Variants in ENPP3 observed in about 807,000 individuals in gnomAD.
ENPP3 encodes the protein ectonucleotide pyrophosphatase/phosphodiesterase family member 3.
ENPP3 carries 104 observed loss-of-function variants against 117.8 expected under a neutral mutation model. That is an observed-to-expected ratio of 0.88 (90% confidence interval 0.75 to 1.04). ENPP3 has a LOEUF of 1.04. Ranked by LOEUF, ENPP3 falls within the 50% of genes least tolerant of loss-of-function variation. ENPP3 has a pLI of 0.00. For synonymous variants in ENPP3, 380 were observed against 349.9 expected (o/e 1.09, Z -0.96); for missense variants, 1,026 against 1,051.9 (o/e 0.98, Z 0.34).
At chr6:131,678,933 CTTT>C (rs1214845218) in intron 11 of ENPP3, among the ~76,000 whole-genome samples, 36 of 82,586 alleles carry the variant, frequency 4.4e-4, no homozygotes, top group African/African-American at 3.2e-3. Context: ...TTCTTTCTTT[CTTT>C]CTTTCTTTCT....
chr6:131,683,400 A>G (rs1422850043), intron 12 of ENPP3, among the ~76,000 whole-genome samples: 1 of 152,212 alleles, frequency 6.6e-6, no homozygotes, highest in Non-Finnish European at 1.5e-5. Flanking sequence ...GTAAAAGTAG[A>G]GTTAATGATA....
chr6:131,709,701 A>T (rs1467093380), intron 15 of ENPP3: 2 of 1,613,680 alleles, frequency 1.2e-6, no homozygotes. Flanking sequence ...CTTCTTCAAG[A>T]TCTTTGGCTA....
intron 15 of ENPP3, among the ~76,000 whole-genome samples, chr6:131,706,065 G>T (rs973474503): frequency 3.9e-5 from 5 of 128,180 alleles, no homozygotes; most frequent in African/African-American, 1.1e-4. Flanking sequence ...GTCTTGTTCT[G>T]TTGCCCAGGC....
chr6:131,733,942 C>G (rs1383105924), intron 21 of ENPP3, among the ~76,000 whole-genome samples: 1 of 152,050 alleles, frequency 6.6e-6, no homozygotes, highest in Non-Finnish European at 1.5e-5. Context: ...CTCATCTGGC[C>G]CAGATGTTTA....
chr6:131,655,194 T>A (rs1460603647), intron 5 of ENPP3, among the ~76,000 whole-genome samples: 1 of 152,214 alleles, frequency 6.6e-6, no homozygotes, highest in East Asian at 1.9e-4. Flanking sequence ...GGTGTGCCCA[T>A]GGCCTCTTCT....
intron 15 of ENPP3, among the ~76,000 whole-genome samples, chr6:131,698,746 G>A (rs1779460877): frequency 1.3e-4 from 1 of 7,610 alleles, no homozygotes; most frequent in Non-Finnish European, 2.5e-4. Flanking sequence ...TGACCTGCAG[G>A]AAATGTAGAA....
At chr6:131,668,699 AC>A (rs1327953554) in intron 6 of ENPP3, among the ~76,000 whole-genome samples, 7 of 152,224 alleles carry the variant, frequency 4.6e-5, no homozygotes, top group Non-Finnish European at 8.8e-5. Context: ...TAAAATACAC[AC>A]GTAAACATTT....
At chr6:131,720,105 G>A (rs1335909566) in intron 16 of ENPP3, among the ~76,000 whole-genome samples, 187 bp from the exon 17 acceptor site, 2 of 152,078 alleles carry the variant, frequency 1.3e-5, no homozygotes, top group South Asian at 2.1e-4. Context: ...GATTATATTT[G>A]GTTGGGATTG....
Position 131,733,689 on chromosome 6 carries a change from C to T in ENPP3, c.2055C>T (p.Asp685=), listed in dbSNP as rs756024646. Residue 685 remains aspartate, a synonymous_variant, in exon 21 of 25, where the codon GAC becomes GAT. Coordinates refer to ENST00000357639, the MANE Select transcript of ENPP3 (RefSeq NM_005021.5). ...ESQKCSFYLA[D]KNITHGFLYP... is the part of the protein sequence containing the mutation. ...AAAAATGTTCCTTCTATTTAGCAGACAAGAATATCACCCACGGCTTCCTCT... is the reference window on the plus strand; with the variant it reads ...AAAAATGTTCCTTCTATTTAGCAGATAAGAATATCACCCACGGCTTCCTCT... The T allele has an allele frequency of 1.9e-6, 3 of 1,613,930 alleles. No individual in the cohort carries two copies. The highest frequency in any genetic ancestry group is 2.5e-6 in the Non-Finnish European group (3 of 1,179,962).
intron 15 of ENPP3, among the ~76,000 whole-genome samples, chr6:131,699,216 C>A (rs1313855021): frequency 5.9e-5 from 7 of 118,928 alleles, no homozygotes; most frequent in African/African-American, 2.5e-4. Flanking sequence ...CCAGCCTGGG[C>A]TATAGAGCAA....
intron 20 of ENPP3, among the ~76,000 whole-genome samples, chr6:131,732,411 A>T (rs1780299435): frequency 6.6e-6 from 1 of 152,112 alleles, no homozygotes; most frequent in Non-Finnish European, 1.5e-5. Flanking sequence ...AGGGCTACAA[A>T]GAAATTATTA....
intron 23 of ENPP3, among the ~76,000 whole-genome samples, chr6:131,738,571 A>G (rs922177848): frequency 2.6e-5 from 4 of 151,344 alleles, no homozygotes; most frequent in African/African-American, 9.7e-5. Flanking sequence ...GTAAAGACTA[A>G]GGTAAATTTT....
rs770306339 is a variant in ENPP3 at position 131,733,649 on chromosome 6, C to G, written c.2015C>G (p.Pro672Arg). 6 of 1,614,166 alleles carry G rather than the reference C, an allele frequency of 3.7e-6. No individual in the cohort carries two copies. In the South Asian group the frequency reaches 6.6e-5, roughly 18 times the overall value. ...PDCLRADVRV[P>R]PSESQKCSFY... ...TGTCTGCGGGCTGATGTCAGGGTTC[C>G]TCCTTCTGAGAGCCAAAAATGTTCC... is the stretch of plus-strand genomic sequence containing the variant. Residue 672 changes from proline to arginine, a missense_variant, in exon 21 of 25, where the codon CCT (proline) becomes CGT (arginine). Pro to Arg is a moderately radical substitution (Grantham distance 103, BLOSUM62 -2). Transcript: ENST00000357639.
Position 131,718,747 on chromosome 6 carries a change from C to T in ENPP3, c.1479+9C>T, listed in dbSNP as rs750541359. 2.0e-5 allele frequency: 31 copies of T among 1,574,194 alleles called. No homozygotes were observed. Among genetic ancestry groups the T allele is most frequent in the Non-Finnish European group, 2.6e-5 (30 of 1,152,706 alleles). On this transcript the variant is annotated intron_variant, in intron 16 of 24. Transcript: ENST00000357639. The stretch of plus-strand genomic sequence containing the variant: ...AGTTTAGGAGCATGGAGGTAACTTA[C>T]TGCTTTTTTTTTTAACTTTTATTTT...
Position 131,676,726 on chromosome 6 carries a change from AT to A in ENPP3, c.873-4del. ...CATTTTAAAGAATTATTTCTACCCT[AT>A]TTTTTCAGAAGTGTCCCATTTGAAG... On this transcript the variant is annotated splice_polypyrimidine_tract_variant and intron_variant, in intron 9 of 24. Coordinates refer to ENST00000357639, the MANE Select transcript of ENPP3 (RefSeq NM_005021.5). The A allele has an allele frequency of 1.3e-6, 2 of 1,566,824 alleles. No individual in the cohort carries two copies. The highest frequency in any genetic ancestry group is 1.8e-6 in the Non-Finnish European group (2 of 1,137,288).
chr6:131,716,870 C>T (rs1459972594), intron 15 of ENPP3, among the ~76,000 whole-genome samples: 2 of 150,570 alleles, frequency 1.3e-5, no homozygotes, highest in Non-Finnish European at 3.0e-5. Context: ...ACTCGGGAGG[C>T]TGAGGCAGGA....
rs367954932 is a variant in ENPP3, at chr6:131,676,847, G to A, written c.938+46G>A. The A allele has an allele frequency of 2.1e-4, 262 of 1,263,280 alleles. 2 individuals carry two copies. In the African/African-American group the frequency reaches 3.2e-3, roughly 15 times the overall value. The allele number at this position is 1,263,280 out of a possible 1,614,324, so 78.3% of individuals were successfully genotyped here. A position where few individuals can be genotyped will look rare whatever the true frequency, so the allele number is the denominator to read the frequency against. The stretch of plus-strand genomic sequence containing the variant: ...AGTGCTGGCATAGTGGCATATATAT[G>A]GGTAAAAAATGAAGTTTTTTTTTTT... On this transcript the variant is annotated intron_variant, in intron 10 of 24. Coordinates refer to ENST00000357639, the MANE Select transcript of ENPP3 (RefSeq NM_005021.5).
At chr6:131,682,432 T>C (rs1779042600) in intron 11 of ENPP3, among the ~76,000 whole-genome samples, 1 of 152,160 alleles carries the variant, frequency 6.6e-6, no homozygotes, top group African/African-American at 2.4e-5. Flanking sequence ...AGATCAAAGC[T>C]GCAGTGAGCT....
chr6:131,693,386 T>G, intron 14 of ENPP3, 111 bp from the exon 15 acceptor site: 1 of 917,568 alleles, frequency 1.1e-6, no homozygotes, highest in Non-Finnish European at 1.6e-6. Flanking sequence ...TTAGCCAAGC[T>G]GAAATCCCCT....
Sources: allele counts gnomAD v4.1 joint callset (sites outside exome capture counted in the v4.1 genomes callset), GRCh38; gene constraint gnomAD v4.1.1; transcripts MANE v1.5; gene names NCBI Gene and HGNC (gene_info 2026-07-23, HGNC 2026-07-21).